The following EYS variants were observed in gnomAD, a reference collection of about 807,000 sequenced individuals.
EYS encodes protein eyes shut homolog.
In EYS, 250 loss-of-function variants were observed where a neutral mutation model predicts 282.1. The ratio of observed to expected loss-of-function variants is 0.89; its 90% CI spans 0.80 to 0.98. The LOEUF (loss-of-function observed/expected upper bound fraction) is 0.98, where lower values mean the gene tolerates loss of function less well. Among genes scored for constraint, EYS ranks in the 50% least tolerant of loss-of-function variants. EYS has a pLI of 0.00. For synonymous variants in EYS, 1,355 were observed against 1,282.9 expected, an observed-to-expected ratio of 1.06 and a Z score of -1.20; for missense variants, 4,016 against 3,709.0, an observed-to-expected ratio of 1.08 and a Z score of -2.15.
At chr6:65,445,322 C>T (rs957943967) in intron 5 of EYS, among the ~76,000 whole-genome samples, 1 of 151,590 alleles carries the variant, frequency 6.6e-6, no homozygotes, top group African/African-American at 2.4e-5. Flanking sequence ...TTGCTCAGGC[C>T]TATAGTTTAA....
chr6:64,599,882 A>G (rs1013170877), intron 24 of EYS, among the ~76,000 whole-genome samples: 8 of 152,092 alleles, frequency 5.3e-5, no homozygotes, highest in Non-Finnish European at 8.8e-5. Context: ...AGCTAAAACA[A>G]TCTTGTACTC....
chr6:64,059,244 T>C (rs1444398883), intron 33 of EYS, among the ~76,000 whole-genome samples: 1 of 152,170 alleles, frequency 6.6e-6, no homozygotes, highest in Non-Finnish European at 1.5e-5. Context: ...TTGTGGTTGC[T>C]CTCAGAACTT....
intron 31 of EYS, among the ~76,000 whole-genome samples, chr6:64,122,390 G>T (rs374944569): frequency 1.3e-5 from 2 of 152,142 alleles, no homozygotes; most frequent in East Asian, 3.9e-4. Flanking sequence ...TCTAGCCCCA[G>T]ATTTCTAAGG....
intron 15 of EYS, among the ~76,000 whole-genome samples, chr6:64,926,002 C>G (rs1448481944): frequency 6.6e-6 from 1 of 152,166 alleles, no homozygotes; most frequent in Non-Finnish European, 1.5e-5. Flanking sequence ...GCTCTACAGA[C>G]TAGCAAGTGG....
chr6:64,484,751 C>T (rs796605117), intron 26 of EYS, among the ~76,000 whole-genome samples: 12 of 151,458 alleles, frequency 7.9e-5, no homozygotes, highest in African/African-American at 2.9e-4. Flanking sequence ...TACTTAGGAC[C>T]GAGGAAAATT....
intron 28 of EYS, among the ~76,000 whole-genome samples, chr6:64,403,025 G>T (rs1413379895): frequency 6.6e-6 from 1 of 151,926 alleles, no homozygotes; most frequent in Non-Finnish European, 1.5e-5. Flanking sequence ...TATTTCAGGA[G>T]CTGTAAAACA....
intron 29 of EYS, among the ~76,000 whole-genome samples, chr6:64,334,458 T>C (rs1236460630): frequency 6.6e-6 from 1 of 151,980 alleles, no homozygotes; most frequent in African/African-American, 2.4e-5. Flanking sequence ...AAAAGGACAT[T>C]GAAATAGGGA....
chr6:64,763,772 G>A (rs1713916324), intron 22 of EYS, among the ~76,000 whole-genome samples: 1 of 152,066 alleles, frequency 6.6e-6, no homozygotes, highest in Non-Finnish European at 1.5e-5. Context: ...TTACTTCCAA[G>A]ATACAGTGGG....
At chr6:64,511,338 T>C (rs1333863977) in intron 26 of EYS, among the ~76,000 whole-genome samples, 1 of 138,522 alleles carries the variant, frequency 7.2e-6, no homozygotes, top group Non-Finnish European at 1.5e-5. Context: ...AATGGAGGAA[T>C]TCTTCATATT....
intron 13 of EYS, among the ~76,000 whole-genome samples, chr6:65,008,463 T>TA (rs34508454): frequency 4.2e-4 from 64 of 151,140 alleles, no homozygotes; most frequent in African/African-American, 1.0e-3. Flanking sequence ...ACAAATGGGA[T>TA]AAAAAAAAAG....
At chr6:65,325,794 G>A (rs1769602481) in intron 11 of EYS, among the ~76,000 whole-genome samples, 1 of 152,072 alleles carries the variant, frequency 6.6e-6, no homozygotes, top group South Asian at 2.1e-4. Flanking sequence ...GGTTAAAAAT[G>A]AGCTTTGGGC....
intron 36 of EYS, among the ~76,000 whole-genome samples, chr6:63,813,882 C>A (rs572126623): frequency 5.3e-5 from 8 of 152,264 alleles, no homozygotes; most frequent in African/African-American, 1.7e-4. Context: ...AGCAGTGTAG[C>A]GTATCTTGAA....
chr6:64,050,990 T>G (rs936204024), intron 33 of EYS, among the ~76,000 whole-genome samples: 7 of 152,180 alleles, frequency 4.6e-5, no homozygotes, highest in Non-Finnish European at 1.0e-4. Flanking sequence ...ATTTTTATAT[T>G]ATAAGGGGAA....
Position 65,440,858 on chromosome 6 carries a change from T to TAG in EYS, c.863-35492_863-35491insCT, listed in dbSNP as rs201794757. ...AAAAAAATATGTGTATATATATATA[T>TAG]ATAGATTTATATTATATATTTATAT... On this transcript the variant is annotated intron_variant, in intron 5 of 42. Coordinates refer to ENST00000503581, the MANE Select transcript of EYS (RefSeq NM_001142800.2). 4.1e-3 allele frequency among the ~76,000 whole-genome samples: 598 copies of TAG among 147,084 alleles called. 8 individuals are homozygous for TAG. Among genetic ancestry groups the TAG allele is most frequent in the African/African-American group, 0.014 (576 of 40,620 alleles).
intron 26 of EYS, among the ~76,000 whole-genome samples, chr6:64,520,480 G>A (rs1422869328): frequency 6.6e-6 from 1 of 151,624 alleles, no homozygotes; most frequent in African/African-American, 2.4e-5. Flanking sequence ...CTCTGTAGGG[G>A]GCCTGAGCTA....
chr6:64,763,386 A>T (rs1428193934), intron 22 of EYS, among the ~76,000 whole-genome samples: 2 of 152,172 alleles, frequency 1.3e-5, no homozygotes, highest in African/African-American at 4.8e-5. Context: ...TGGTGGCTGG[A>T]GAGAGAGACA....
chr6:65,157,905 G>A (rs1025941292), intron 12 of EYS, among the ~76,000 whole-genome samples: 1 of 150,610 alleles, frequency 6.6e-6, no homozygotes, highest in African/African-American at 2.4e-5. Flanking sequence ...ATCATGTATA[G>A]CGTATTGTGC....
intron 15 of EYS, among the ~76,000 whole-genome samples, chr6:64,919,342 G>C (rs1259358742): frequency 6.6e-6 from 1 of 151,086 alleles, no homozygotes; most frequent in Admixed American, 6.6e-5. Context: ...GCTATTTTTT[G>C]TATTTTTAGT....
At chr6:65,333,912 A>AT (rs1336243318) in intron 11 of EYS, among the ~76,000 whole-genome samples, 1 of 148,160 alleles carries the variant, frequency 6.7e-6, no homozygotes, top group African/African-American at 2.6e-5. Flanking sequence ...AGTTTGAATG[A>AT]TATTTTTTTA....
Sources: gnomAD v4.1 joint callset for allele counts (sites outside exome capture counted in the v4.1 genomes callset) on GRCh38, gnomAD v4.1.1 for gene constraint, MANE v1.5 for transcripts, NCBI Gene and HGNC (gene_info 2026-07-23, HGNC 2026-07-21) for gene names.